NDUFA10: variants seen among roughly 807,000 people sequenced by gnomAD.
The protein encoded by NDUFA10 is NADH:ubiquinone oxidoreductase subunit A10, also known as NADH dehydrogenase [ubiquinone] 1 alpha subcomplex subunit 10, mitochondrial.
A neutral mutation model predicts 47.8 loss-of-function variants in NDUFA10; 40 were observed. The ratio of observed to expected loss-of-function variants is 0.84; its 90% confidence interval spans 0.65 to 1.09. NDUFA10 has a LOEUF of 1.09. NDUFA10 is among the 50% of genes least tolerant of loss of function. NDUFA10 has a pLI of 0.00. For missense variants in NDUFA10, 413 were observed against 451.1 expected (o/e 0.92, Z 0.76); for synonymous variants, 183 against 172.2 (o/e 1.06, Z -0.49).
intron 9 of NDUFA10, among the ~76,000 whole-genome samples, chr2:239,975,733 A>G (rs1695491415): frequency 6.6e-6 from 1 of 152,044 alleles, no homozygotes; most frequent in South Asian, 2.1e-4. Flanking sequence ...ATGACACTCC[A>G]GCCCCCAGCC....
rs13388157 is a variant in NDUFA10 at position 239,904,543 on chromosome 2, T to G, written c.295-9229A>C. On this transcript the variant is annotated intron_variant, in intron 4 of 5. Coordinates refer to the NDUFA10 transcript ENST00000419408. ...CTCCTGACCTCAAGCGATCTGCCTG[T>G]GTCAGCCTCCCAAAGTGCTGGGATT... 7.8e-3 allele frequency among the ~76,000 whole-genome samples: 1,191 copies of G among 151,806 alleles called. 21 individuals carry two copies. Among genetic ancestry groups the G allele is most frequent in the African/African-American group, 0.027 (1,137 of 41,438 alleles).
intron 9 of NDUFA10, among the ~76,000 whole-genome samples, chr2:239,989,037 G>A (rs944862853): frequency 2.1e-5 from 3 of 146,252 alleles, no homozygotes; most frequent in Non-Finnish European, 3.0e-5. Flanking sequence ...GAAACAGCAC[G>A]CGCACTCACA....
chr2:239,896,410 T>C (rs1693397611), intron 4 of NDUFA10, among the ~76,000 whole-genome samples: 1 of 152,146 alleles, frequency 6.6e-6, no homozygotes, highest in Non-Finnish European at 1.5e-5. Context: ...AGTACCCTCG[T>C]CTTAACTGCA....
rs1469900625 is a variant in NDUFA10, at chr2:239,906,744, C to T, written c.295-11430G>A. Among the ~76,000 whole-genome samples, 1 of 152,032 alleles carries T rather than the reference C, an allele frequency of 6.6e-6. No homozygotes were observed. Among genetic ancestry groups the T allele is most frequent in the Non-Finnish European group, 1.5e-5 (1 of 68,022 alleles). ...TCAAGGAGTACTACAAACCACCGCT[C>T]AATGAAATAAAAGAGGACACAAACA... On this transcript the variant is annotated intron_variant, in intron 4 of 5. Transcript: ENST00000419408. The surrounding 1 kb of genome is among the most constrained non-coding windows in gnomAD (Gnocchi z 4.3).
At chr2:239,981,352 C>T (rs1470055269) in intron 9 of NDUFA10, among the ~76,000 whole-genome samples, 1 of 152,146 alleles carries the variant, frequency 6.6e-6, no homozygotes, top group Non-Finnish European at 1.5e-5. Context: ...GAAGAAACAA[C>T]GAACAAGATC....
At chr2:239,985,334 A>G (rs1412176309) in intron 9 of NDUFA10, among the ~76,000 whole-genome samples, 1 of 152,228 alleles carries the variant, frequency 6.6e-6, no homozygotes, top group African/African-American at 2.4e-5. Flanking sequence ...TGAAAACTCT[A>G]GAATCAAAAA....
At chr2:239,932,453 C>T (rs4854075) in intron 4 of NDUFA10, among the ~76,000 whole-genome samples, 87,794 of 151,924 alleles carry the variant, frequency 0.58, 25,468 homozygotes, top group Non-Finnish European at 0.61. Context: ...CACGGCACCC[C>T]CGCAAGCCCG....
intron 4 of NDUFA10, among the ~76,000 whole-genome samples, chr2:239,902,690 G>A (rs1169701495): frequency 6.6e-6 from 1 of 152,172 alleles, no homozygotes. Flanking sequence ...AGTGGGAACG[G>A]CCTCGTTCTG....
At chr2:239,908,409 A>G (rs1406830098) in intron 4 of NDUFA10, among the ~76,000 whole-genome samples, 2 of 152,214 alleles carry the variant, frequency 1.3e-5, no homozygotes, top group African/African-American at 4.8e-5. Context: ...AAAAAACAAA[A>G]GAAAAAGAAA....
At chr2:240,002,812 C>T (rs1290656287) in intron 8 of NDUFA10, among the ~76,000 whole-genome samples, 2 of 151,958 alleles carry the variant, frequency 1.3e-5, no homozygotes, top group Admixed American at 1.3e-4. Context: ...TTAATGTAAA[C>T]CTATTTTTTG....
intron 9 of NDUFA10, among the ~76,000 whole-genome samples, chr2:239,977,658 C>T (rs1276164207): frequency 6.6e-6 from 1 of 152,214 alleles, no homozygotes; most frequent in African/African-American, 2.4e-5. Flanking sequence ...TAATGTTAAG[C>T]ACACAAACTG....
In NDUFA10 at chr2:239,987,702, C is replaced by T. The variant is rs1314184593; in HGVS notation, c.999+2372G>A. Among the ~76,000 whole-genome samples, 1 of 152,192 alleles carries T rather than the reference C, an allele frequency of 6.6e-6. No homozygotes were observed. Among genetic ancestry groups the T allele is most frequent in the Non-Finnish European group, 1.5e-5 (1 of 68,032 alleles). On this transcript the variant is annotated intron_variant, in intron 9 of 9. Transcript: ENST00000252711. This position sits in a 1 kb window ranked among gnomAD's most constrained non-coding sequence, Gnocchi z 4.8. ...AGGCCAAGGATGCTACATGCAGGCG[C>T]AGCGCCCAGGGAAGGGGTGGGCAGC...
intron 4 of NDUFA10, among the ~76,000 whole-genome samples, chr2:239,920,628 A>C (rs1257413413): frequency 3.9e-5 from 6 of 152,210 alleles, no homozygotes; most frequent in Non-Finnish European, 1.5e-5. Flanking sequence ...CTAGAGCCCA[A>C]CATCCAACTG....
rs1217448418 is a variant in NDUFA10 at position 239,906,209 on chromosome 2, G to A, written c.295-10895C>T. 1.3e-5 allele frequency among the ~76,000 whole-genome samples: 2 copies of A among 152,146 alleles called. No homozygotes were observed. The highest frequency in any genetic ancestry group is 4.8e-5 in the African/African-American group (2 of 41,418). On this transcript the variant is annotated intron_variant, in intron 4 of 5. Coordinates refer to the NDUFA10 transcript ENST00000419408. The surrounding 1 kb of genome is among the most constrained non-coding windows in gnomAD (Gnocchi z 4.3). ...AACAAGAACCCCCGGCCCTCCAGGTGGTTGGAAATATTACCCGGAAGGAAG... is the reference window on the plus strand; with the variant it reads ...AACAAGAACCCCCGGCCCTCCAGGTAGTTGGAAATATTACCCGGAAGGAAG...
At chr2:239,996,259 T>C (rs965170780) in intron 8 of NDUFA10, among the ~76,000 whole-genome samples, 9 of 152,116 alleles carry the variant, frequency 5.9e-5, no homozygotes, top group East Asian at 3.8e-4. Context: ...TCAAGCTGAA[T>C]TGGAACACTA....
In NDUFA10 at chr2:239,963,335, C is replaced by T. The variant is rs75407854; in HGVS notation, c.1000-2149G>A. ...GGGAGGCGTCAGGAGAGTGAGGGAC[C>T]CTCCAGGGCCAGGGGGATCCCCCAA... On this transcript the variant is annotated intron_variant, in intron 9 of 9. Transcript: ENST00000252711. 3.6e-3 allele frequency among the ~76,000 whole-genome samples: 541 copies of T among 152,290 alleles called. 26 individuals are homozygous for T. The East Asian group carries it at 0.09, about 25-fold the overall frequency.
At chr2:239,981,783 TTC>T (rs531017557) in intron 9 of NDUFA10, among the ~76,000 whole-genome samples, 24 of 152,276 alleles carry the variant, frequency 1.6e-4, no homozygotes, top group Non-Finnish European at 2.6e-4. Context: ...TATTTTAAGT[TTC>T]TCATGAAATT....
chr2:239,956,709 C>T (rs1694661903), downstream of NDUFA10, among the ~76,000 whole-genome samples: 1 of 152,196 alleles, frequency 6.6e-6, no homozygotes, highest in South Asian at 2.1e-4. Flanking sequence ...AGCTCAATGA[C>T]AAGCAGGGGA....
intron 9 of NDUFA10, among the ~76,000 whole-genome samples, chr2:239,964,051 G>T (rs911143648): frequency 6.6e-6 from 1 of 152,328 alleles, no homozygotes; most frequent in Middle Eastern, 3.4e-3. Flanking sequence ...GCCAGGTAAT[G>T]GCACGTATGT....
Sources: allele counts gnomAD v4.1 joint callset (sites outside exome capture counted in the v4.1 genomes callset), GRCh38; gene constraint gnomAD v4.1.1; non-coding constraint Gnocchi (gnomAD v3.1); transcripts MANE v1.5; gene names NCBI Gene and HGNC (gene_info 2026-07-23, HGNC 2026-07-21).